CADM2: variants seen among roughly 807,000 people sequenced by gnomAD.
CADM2 encodes the protein immunoglobulin superfamily member 4D.
CADM2 carries 12 observed loss-of-function variants against 49.8 expected under a neutral mutation model. The observed-to-expected ratio is 0.24, with a 90% confidence interval of 0.15 to 0.39. The LOEUF is 0.39. Among genes scored for constraint, CADM2 ranks in the 10% least tolerant of loss-of-function variants. The probability of loss-of-function intolerance (pLI) is 1.00; values close to 1 mark genes in which losing one functional copy is unlikely to be tolerated. For missense variants in CADM2, 378 were observed against 492.3 expected (o/e 0.77, Z 2.20); for synonymous variants, 214 against 175.4 (o/e 1.22, Z -1.74).
chr3:85,631,809 C>A (rs1230912128), intron 1 of CADM2, among the ~76,000 whole-genome samples: 1 of 151,948 alleles, frequency 6.6e-6, no homozygotes, highest in African/African-American at 2.4e-5. Flanking sequence ...TCAATATTTA[C>A]CAAGTATATA....
chr3:85,636,329 C>G (rs1357570498), intron 1 of CADM2, among the ~76,000 whole-genome samples: 1 of 150,496 alleles, frequency 6.6e-6, no homozygotes, highest in Non-Finnish European at 1.5e-5. Flanking sequence ...AACAAAAAAG[C>G]TTAAAAAATA....
chr3:84,981,953 G>C (rs947678964), intron 1 of CADM2, among the ~76,000 whole-genome samples: 1 of 152,132 alleles, frequency 6.6e-6, no homozygotes. Flanking sequence ...TAGACAGCAA[G>C]AGAAACCCTG....
At position 85,153,126 on chromosome 3, in the gene CADM2, G is replaced by A. The variant is rs547428054; in HGVS notation, c.61+193458G>A. ...ACAGCTCCAGTCTCCAGCTCCCAGC[G>A]TGAGCGACGCAGAAGACGGGTGATT... On this transcript the variant is annotated intron_variant, in intron 1 of 9. Transcript: ENST00000383699. Among the ~76,000 whole-genome samples the A allele has an allele frequency of 7.4e-3, 1,127 of 152,282 alleles. 10 individuals carry two copies. The highest frequency in any genetic ancestry group is 0.023 in the African/African-American group (971 of 41,558).
At chr3:85,005,470 A>T (rs1396808419) in intron 1 of CADM2, among the ~76,000 whole-genome samples, 3 of 152,062 alleles carry the variant, frequency 2.0e-5, no homozygotes, top group African/African-American at 7.2e-5. Flanking sequence ...AAAAAAATTC[A>T]TCCTAGTTTC....
At chr3:85,312,335 CTTG>C (rs1197290653) in intron 1 of CADM2, among the ~76,000 whole-genome samples, 1 of 151,818 alleles carries the variant, frequency 6.6e-6, no homozygotes, top group East Asian at 1.9e-4. Context: ...CTAATAATTC[CTTG>C]TTGTGCTATG....
intron 2 of CADM2, among the ~76,000 whole-genome samples, chr3:85,736,546 A>G (rs1281457095): frequency 4.6e-5 from 7 of 152,208 alleles, no homozygotes; most frequent in African/African-American, 4.8e-5. Context: ...TCTGGAGAAC[A>G]TCAAAGGGAA....
At chr3:85,906,362 A>G (rs1716813402) in intron 5 of CADM2, among the ~76,000 whole-genome samples, 3 of 152,172 alleles carry the variant, frequency 2.0e-5, no homozygotes, top group Admixed American at 2.0e-4. Flanking sequence ...TTGTCTGGGT[A>G]AACTGAAAAA....
At chr3:85,327,585 CA>C (rs2044788573) in intron 1 of CADM2, among the ~76,000 whole-genome samples, 2 of 144,838 alleles carry the variant, frequency 1.4e-5, no homozygotes, top group African/African-American at 5.5e-5. Flanking sequence ...CACACACACA[CA>C]CACCACACAC....
intron 1 of CADM2, among the ~76,000 whole-genome samples, chr3:85,357,976 A>G (rs535732671): frequency 7.9e-5 from 12 of 152,214 alleles, no homozygotes; most frequent in African/African-American, 2.9e-4. Context: ...CTCTGATTTC[A>G]CAGTAGATTG....
intron 6 of CADM2, among the ~76,000 whole-genome samples, chr3:85,926,357 C>G (rs1032696562): frequency 3.3e-5 from 5 of 151,926 alleles, no homozygotes; most frequent in African/African-American, 1.2e-4. Flanking sequence ...CTCCGTTCCT[C>G]TAACAAGCAA....
chr3:85,227,111 G>A (rs963934924), intron 1 of CADM2, among the ~76,000 whole-genome samples: 1 of 152,104 alleles, frequency 6.6e-6, no homozygotes, highest in South Asian at 2.1e-4. Context: ...TTGATTTGGG[G>A]TGTAGAGTTC....
intron 1 of CADM2, among the ~76,000 whole-genome samples, chr3:85,039,470 A>C (rs2107357653): frequency 6.6e-6 from 1 of 152,082 alleles, no homozygotes; most frequent in South Asian, 2.1e-4. Flanking sequence ...CTAGTAATAC[A>C]GTTTTAGCTT....
chr3:85,158,061 AT>A (rs1343641352), intron 1 of CADM2, among the ~76,000 whole-genome samples: 1 of 152,246 alleles, frequency 6.6e-6, no homozygotes, highest in East Asian at 1.9e-4. Flanking sequence ...AAAAGAAGCC[AT>A]TTATGCAGCC....
chr3:85,437,713 CTT>C (rs2036998040), intron 1 of CADM2, among the ~76,000 whole-genome samples: 1 of 151,698 alleles, frequency 6.6e-6, no homozygotes, highest in South Asian at 2.1e-4. Flanking sequence ...TGTGGAAATC[CTT>C]GTTACTTAAA....
chr3:85,614,478 A>G (rs1471744061), intron 1 of CADM2, among the ~76,000 whole-genome samples: 1 of 151,966 alleles, frequency 6.6e-6, no homozygotes, highest in Non-Finnish European at 1.5e-5. Flanking sequence ...AAAAGAATTT[A>G]GGTAGTCCTT....
chr3:85,889,959 C>A (rs1714194172), intron 5 of CADM2, among the ~76,000 whole-genome samples: 1 of 152,082 alleles, frequency 6.6e-6, no homozygotes, highest in African/African-American at 2.4e-5. Flanking sequence ...TTGATGGAAG[C>A]AGGCACTCAG....
chr3:84,968,446 G>A (rs2031175490), intron 1 of CADM2, among the ~76,000 whole-genome samples: 1 of 152,022 alleles, frequency 6.6e-6, no homozygotes, highest in African/African-American at 2.4e-5. Flanking sequence ...ACAGGGGTCT[G>A]GCTGTAAGTT....
chr3:86,030,641 C>T lies in CADM2; in HGVS notation c.971-34964C>T, dbSNP rs149503445. Among the ~76,000 whole-genome samples the T allele has an allele frequency of 3.0e-3, 462 of 151,934 alleles. 3 individuals are homozygous for T. Among genetic ancestry groups the T allele is most frequent in the African/African-American group, 1.0e-2 (415 of 41,532 alleles). On this transcript the variant is annotated intron_variant, in intron 8 of 9. Coordinates refer to ENST00000383699, the MANE Select transcript of CADM2 (RefSeq NM_001167675.2). ...AAATCTTGCTTTGTAAGCTCAGAAA[C>T]TCAATTTTATTACATTGTCTACTGT...
intron 2 of CADM2, among the ~76,000 whole-genome samples, chr3:85,755,426 T>A (rs2069065771): frequency 6.7e-6 from 1 of 150,350 alleles, no homozygotes; most frequent in Non-Finnish European, 1.5e-5. Flanking sequence ...TGCCACCCTG[T>A]CAGCAAACTG....
Sources: allele counts gnomAD v4.1 joint callset (sites outside exome capture counted in the v4.1 genomes callset), GRCh38; gene constraint gnomAD v4.1.1; transcripts MANE v1.5; gene names NCBI Gene and HGNC (gene_info 2026-07-23, HGNC 2026-07-21).